The following RBPMS variants were observed in gnomAD, a reference collection of about 807,000 sequenced individuals.
RBPMS encodes the protein RNA binding protein, mRNA processing factor.
RBPMS carries 7 observed loss-of-function variants against 26.8 expected under a neutral mutation model. That is an observed-to-expected ratio of 0.26 (90% CI 0.15 to 0.49). The LOEUF is 0.49. RBPMS is among the 20% of genes least tolerant of loss of function. The pLI is 0.98. For missense variants in RBPMS, 186 were observed against 250.0 expected (o/e 0.74, Z 1.73); for synonymous variants, 96 against 93.3 (o/e 1.03, Z -0.17).
intron 3 of RBPMS, among the ~76,000 whole-genome samples, chr8:30,478,861 G>A (rs188459713): frequency 5.1e-4 from 78 of 152,300 alleles, no homozygotes; most frequent in African/African-American, 1.7e-3. Context: ...TGTAATTTTG[G>A]TCATGCAGTG....
chr8:30,414,131 G>A (rs1809785788), intron 1 of RBPMS, among the ~76,000 whole-genome samples: 2 of 126,340 alleles, frequency 1.6e-5, no homozygotes, highest in Non-Finnish European at 3.2e-5. Context: ...TCCTTTTGAT[G>A]TCATCAGAAC....
chr8:30,407,867 A>G (rs560938172), intron 1 of RBPMS, among the ~76,000 whole-genome samples: 1 of 132,038 alleles, frequency 7.6e-6, no homozygotes, highest in Non-Finnish European at 1.6e-5. Flanking sequence ...AAAATCCATC[A>G]TCTTTCACTA....
chr8:30,523,627 G>T (rs962860982), intron 5 of RBPMS, among the ~76,000 whole-genome samples: 1 of 151,094 alleles, frequency 6.6e-6, no homozygotes, highest in Non-Finnish European at 1.5e-5. Flanking sequence ...CCTCAAAATT[G>T]TAACTGTAAA....
chr8:30,458,190 T>C (rs1460841662), intron 1 of RBPMS, among the ~76,000 whole-genome samples: 1 of 152,214 alleles, frequency 6.6e-6, no homozygotes, highest in Non-Finnish European at 1.5e-5. Flanking sequence ...CTGTACATGT[T>C]CACTACAGAT....
intron 5 of RBPMS, among the ~76,000 whole-genome samples, chr8:30,505,306 A>AC (rs1304623161): frequency 6.6e-6 from 1 of 152,132 alleles, no homozygotes; most frequent in Non-Finnish European, 1.5e-5. Flanking sequence ...TGCTTTCTAA[A>AC]CCACACGGTT....
chr8:30,454,387 C>T (rs544878361), intron 1 of RBPMS, among the ~76,000 whole-genome samples: 4 of 152,258 alleles, frequency 2.6e-5, no homozygotes, highest in East Asian at 1.9e-4. Flanking sequence ...AGTAAAATGG[C>T]GAACCGTCAT....
chr8:30,497,598 G>GT (rs768729903), intron 4 of RBPMS, among the ~76,000 whole-genome samples: 13 of 151,334 alleles, frequency 8.6e-5, no homozygotes, highest in African/African-American at 1.9e-4. Flanking sequence ...CTAGAAAATG[G>GT]TTTTTTTTGT....
intron 1 of RBPMS, among the ~76,000 whole-genome samples, chr8:30,459,377 T>TC (rs1815634528): frequency 6.6e-6 from 1 of 152,062 alleles, no homozygotes; most frequent in African/African-American, 2.4e-5. Flanking sequence ...TACCTCAGCC[T>TC]CCTGAGTAGC....
At chr8:30,498,809 TG>T in intron 4 of RBPMS, among the ~76,000 whole-genome samples, 1 of 152,206 alleles carries the variant, frequency 6.6e-6, no homozygotes, top group South Asian at 2.1e-4. Context: ...ATTAACCAAA[TG>T]GTGTTAGATT....
At chr8:30,477,773 TA>T in intron 2 of RBPMS, 25 bp from the exon 3 acceptor site, 1 of 1,575,918 alleles carries the variant, frequency 6.3e-7, no homozygotes, top group Non-Finnish European at 8.7e-7. Flanking sequence ...TACTTTTGGC[TA>T]AACTTGGTTT....
chr8:30,408,731 T>A (rs1808939675), intron 1 of RBPMS, among the ~76,000 whole-genome samples: 1 of 152,170 alleles, frequency 6.6e-6, no homozygotes, highest in South Asian at 2.1e-4. Flanking sequence ...AAATTCGAGT[T>A]AAAAAGTGTA....
chr8:30,429,905 A>G (rs1210974041), intron 1 of RBPMS, among the ~76,000 whole-genome samples: 3 of 152,244 alleles, frequency 2.0e-5, no homozygotes, highest in Non-Finnish European at 4.4e-5. Flanking sequence ...AAGCCCTAGT[A>G]ACTTTGATTT....
intron 1 of RBPMS, among the ~76,000 whole-genome samples, chr8:30,455,628 G>A (rs866267335): frequency 6.6e-6 from 1 of 152,128 alleles, no homozygotes; most frequent in African/African-American, 2.4e-5. Flanking sequence ...GGGAGCTCAC[G>A]CCTGTAATCC....
At chr8:30,546,120 T>C (rs1825847999) in intron 6 of RBPMS, among the ~76,000 whole-genome samples, 1 of 152,188 alleles carries the variant, frequency 6.6e-6, no homozygotes, top group Non-Finnish European at 1.5e-5. Flanking sequence ...GATAAATATG[T>C]GGATGACATG....
At chr8:30,435,014 A>G (rs1021092133) in intron 1 of RBPMS, among the ~76,000 whole-genome samples, 1 of 151,840 alleles carries the variant, frequency 6.6e-6, no homozygotes, top group Non-Finnish European at 1.5e-5. Flanking sequence ...CCATCCATCC[A>G]TCCATCCATC....
chr8:30,545,325 C>T (rs1825783897), intron 6 of RBPMS: 24 of 1,162,654 alleles, frequency 2.1e-5, no homozygotes, highest in Non-Finnish European at 2.6e-5. Flanking sequence ...TACATACTAA[C>T]ACTTCCTCTC....
At chr8:30,500,437 A>T (rs1323259349) in intron 4 of RBPMS, among the ~76,000 whole-genome samples, 1 of 150,808 alleles carries the variant, frequency 6.6e-6, no homozygotes, top group Non-Finnish European at 1.5e-5. Context: ...TTTCTAAATG[A>T]GTCATTCCAT....
At chr8:30,386,587 C>G (rs546939927) in intron 1 of RBPMS, among the ~76,000 whole-genome samples, 1 of 152,028 alleles carries the variant, frequency 6.6e-6, no homozygotes, top group Non-Finnish European at 1.5e-5. Flanking sequence ...TTTTTCAAAG[C>G]GATGGAGAGT....
In RBPMS at chr8:30,562,225, G is replaced by A. The variant is rs555186944; in HGVS notation, c.*7+3269G>A. ...GGGCGCCTGTAATCCCAGCTACTAG[G>A]GAGGCTGAGGCAGGAGAATCGCTTG... On this transcript the variant is annotated intron_variant, in intron 7 of 8. Coordinates refer to ENST00000397323, the MANE Select transcript of RBPMS (RefSeq NM_001008710.3). The A allele has an allele frequency of 6.2e-3, 1,065 of 170,790 alleles. 9 individuals carry two copies. The highest frequency in any genetic ancestry group is 0.021 in the Middle Eastern group (7 of 332). The allele number at this position is 170,790 out of a possible 1,614,324, so 10.6% of individuals were successfully genotyped here.
Sources: gnomAD v4.1 joint callset for allele counts (sites outside exome capture counted in the v4.1 genomes callset) on GRCh38, gnomAD v4.1.1 for gene constraint, MANE v1.5 for transcripts, NCBI Gene and HGNC (gene_info 2026-07-23, HGNC 2026-07-21) for gene names.